Variants in SAMD4A observed in about 807,000 individuals in gnomAD.
The protein encoded by SAMD4A is sterile alpha motif domain containing 4A, also known as protein Smaug homolog 1.
In SAMD4A, 33 loss-of-function variants were observed where a neutral mutation model predicts 81.3. The observed-to-expected ratio is 0.41, with a 90% CI of 0.31 to 0.54. The LOEUF (loss-of-function observed/expected upper bound fraction) is 0.54. Among genes scored for constraint, SAMD4A ranks in the 20% least tolerant of loss-of-function variants. The pLI is 0.37. For missense variants in SAMD4A, 854 were observed against 951.1 expected (o/e 0.90, Z 1.34); for synonymous variants, 389 against 382.1 (o/e 1.02, Z -0.21).
In SAMD4A at chr14:54,739,055, C is replaced by CTTTTTTTTTTTTTTTTTTTTTTTTT. The variant is rs3051648; in HGVS notation, c.979+1787_979+1788insTTTTTTTTTTTTTTTTTTTTTTTTT. On this transcript the variant is annotated intron_variant, in intron 4 of 12. Transcript: ENST00000554335. ...TACTTTGTTTTCTTTCTTTCCTTTTCTTTTTTTTTTTTTTTTTTTGAGGCC... is the reference window on the plus strand; with the variant it reads ...TACTTTGTTTTCTTTCTTTCCTTTTCTTTTTTTTTTTTTTTTTTTTTTTTTTTTTTTTTTTTTTTTTTTTGAGGCC... 4.3e-4 allele frequency among the ~76,000 whole-genome samples: 42 copies of CTTTTTTTTTTTTTTTTTTTTTTTTT among 97,346 alleles called. 5 individuals are homozygous for CTTTTTTTTTTTTTTTTTTTTTTTTT. Among genetic ancestry groups the CTTTTTTTTTTTTTTTTTTTTTTTTT allele is most frequent in the African/African-American group, 2.0e-3 (41 of 20,656 alleles). 63.9% of individuals were successfully genotyped at this position (97,346 alleles called of 152,430 possible). A position where few individuals can be genotyped will look rare whatever the true frequency, so the allele number is the denominator to read the frequency against.
At chr14:54,726,816 A>T (rs1304662731) in intron 3 of SAMD4A, among the ~76,000 whole-genome samples, 1 of 152,038 alleles carries the variant, frequency 6.6e-6, no homozygotes, top group Non-Finnish European at 1.5e-5. Context: ...CAAGGTTGAG[A>T]ACCACCGGTC....
At position 54,789,023 on chromosome 14, in the gene SAMD4A, CA is replaced by C; in HGVS notation, c.*80del. On this transcript the variant is annotated 3_prime_UTR_variant, in exon 13 of 13. Coordinates refer to ENST00000554335, the MANE Select transcript of SAMD4A (RefSeq NM_015589.6). The stretch of plus-strand genomic sequence containing the variant: ...AGTGTCCGCCATCTTCAGGGTTGCA[CA>C]GAATCCTCCAAGATACTTTGCAGCC... 6.7e-7 allele frequency: 1 copy of C among 1,492,640 alleles called. No homozygotes were observed. The highest frequency in any genetic ancestry group is 9.3e-7 in the Non-Finnish European group (1 of 1,069,820). 92.5% of individuals were successfully genotyped at this position (1,492,640 alleles called of 1,614,324 possible). A position where few individuals can be genotyped will look rare whatever the true frequency, so the allele number is the denominator to read the frequency against.
At chr14:54,699,461 A>G (rs1214073955) in intron 2 of SAMD4A, among the ~76,000 whole-genome samples, 1 of 152,176 alleles carries the variant, frequency 6.6e-6, no homozygotes, top group Admixed American at 6.5e-5. Context: ...GCAGCTCAGT[A>G]GTCACCAGCC....
chr14:54,669,143 G>A (rs1199587949), intron 2 of SAMD4A, among the ~76,000 whole-genome samples: 1 of 152,160 alleles, frequency 6.6e-6, no homozygotes, highest in African/African-American at 2.4e-5. Flanking sequence ...CTACAGCTTG[G>A]ATCATCATGA....
intron 4 of SAMD4A, among the ~76,000 whole-genome samples, chr14:54,737,658 C>G (rs1235179663): frequency 6.6e-6 from 1 of 150,816 alleles, no homozygotes; most frequent in East Asian, 2.0e-4. Flanking sequence ...CCTTGTACCT[C>G]ATTGCTGTGG....
At chr14:54,783,143 G>C (rs2039041288) in intron 11 of SAMD4A, among the ~76,000 whole-genome samples, 1 of 146,498 alleles carries the variant, frequency 6.8e-6, no homozygotes, top group East Asian at 2.0e-4. Context: ...TTTCAAACCA[G>C]TGTCACAAAA....
At chr14:54,723,043 A>G (rs1754472034) in intron 3 of SAMD4A, among the ~76,000 whole-genome samples, 1 of 152,094 alleles carries the variant, frequency 6.6e-6, no homozygotes, top group Admixed American at 6.5e-5. Flanking sequence ...TGGGAGAACC[A>G]TTCTTGAAGC....
intron 2 of SAMD4A, among the ~76,000 whole-genome samples, chr14:54,587,383 T>A (rs2033652070): frequency 6.6e-6 from 1 of 152,192 alleles, no homozygotes; most frequent in Admixed American, 6.5e-5. Context: ...ACAGTGACAG[T>A]TTGACTTCCT....
At chr14:54,774,813 CAAAAA>C (rs546617416) in intron 9 of SAMD4A, 116 bp from the exon 10 acceptor site, 25,647 of 631,078 alleles carry the variant, frequency 0.041, 126 homozygotes, top group South Asian at 0.051. Context: ...GACCCTGACT[CAAAAA>C]AAAAAAAAAA....
intron 2 of SAMD4A, chr14:54,701,024 G>A (rs2036702924): frequency 6.9e-6 from 1 of 144,704 alleles, no homozygotes; most frequent in African/African-American, 2.6e-5. Context: ...TTGAGACCAG[G>A]TCTCCTCTGT....
rs368799723 is a variant in SAMD4A, at chr14:54,568,075, C to T, written c.159C>T (p.Ala53=). Residue 53 remains alanine, a synonymous_variant, in exon 2 of 13, where the codon GCC becomes GCT. Coordinates refer to ENST00000554335, the MANE Select transcript of SAMD4A (RefSeq NM_015589.6). The stretch of plus-strand genomic sequence containing the variant: ...TGGAGCACTCGCTGGCCGACTGCGC[C>T]GAGCTGCACGTCCTCGAACGCGAGG... ...LCLEHSLADC[A]ELHVLEREAN... 5.4e-5 allele frequency: 86 copies of T among 1,579,620 alleles called. No homozygotes were observed. The highest frequency in any genetic ancestry group is 6.9e-5 in the Non-Finnish European group (81 of 1,170,692).
At chr14:54,660,161 A>G (rs1412033609) in intron 2 of SAMD4A, among the ~76,000 whole-genome samples, 5 of 152,180 alleles carry the variant, frequency 3.3e-5, no homozygotes, top group Admixed American at 6.5e-5. Flanking sequence ...CCAGACATCA[A>G]TGATACCTAA....
chr14:54,578,532 G>A (rs754021254), intron 2 of SAMD4A, among the ~76,000 whole-genome samples: 7 of 151,962 alleles, frequency 4.6e-5, no homozygotes, highest in Non-Finnish European at 8.8e-5. Context: ...CCAACGTGGC[G>A]AAACCCCATC....
chr14:54,733,823 T>G (rs1046071591), intron 3 of SAMD4A, among the ~76,000 whole-genome samples: 2 of 143,328 alleles, frequency 1.4e-5, no homozygotes, highest in Non-Finnish European at 3.1e-5. Flanking sequence ...TCCTGCCTAC[T>G]CATAGGAAAA....
At chr14:54,691,858 C>T (rs979236935) in intron 2 of SAMD4A, among the ~76,000 whole-genome samples, 1 of 152,230 alleles carries the variant, frequency 6.6e-6, no homozygotes, top group African/African-American at 2.4e-5. Flanking sequence ...AAAAGAGTAT[C>T]AGTTAATTTG....
At chr14:54,605,269 CAAA>C (rs112722076) in intron 2 of SAMD4A, among the ~76,000 whole-genome samples, 4 of 143,888 alleles carry the variant, frequency 2.8e-5, no homozygotes, top group Non-Finnish European at 6.1e-5. Context: ...CTGGAGAAAG[CAAA>C]AAAAAAACCC....
chr14:54,634,305 G>A (rs1012598233), intron 2 of SAMD4A, among the ~76,000 whole-genome samples: 6 of 142,550 alleles, frequency 4.2e-5, no homozygotes, highest in Non-Finnish European at 9.1e-5. Flanking sequence ...GGGGGAGGGG[G>A]GAAGTACTGT....
At chr14:54,699,115 A>G (rs1286057997) in intron 2 of SAMD4A, among the ~76,000 whole-genome samples, 1 of 152,202 alleles carries the variant, frequency 6.6e-6, no homozygotes, top group Non-Finnish European at 1.5e-5. Flanking sequence ...GTAGGCTTAC[A>G]GCATAACCCC....
At chr14:54,619,234 G>T (rs1440226831) in intron 2 of SAMD4A, among the ~76,000 whole-genome samples, 5 of 152,112 alleles carry the variant, frequency 3.3e-5, no homozygotes, top group African/African-American at 1.2e-4. Context: ...ATTCAGATAT[G>T]GTTGTTATCA....
Sources: allele counts gnomAD v4.1 joint callset (sites outside exome capture counted in the v4.1 genomes callset), GRCh38; gene constraint gnomAD v4.1.1; transcripts MANE v1.5; gene names NCBI Gene and HGNC (gene_info 2026-07-23, HGNC 2026-07-21).